Variants in TERF1 observed in about 807,000 individuals in gnomAD.
TERF1 encodes telomeric repeat binding factor 1, also known as telomeric repeat-binding factor 1.
In TERF1, 20 loss-of-function variants were observed where a neutral mutation model predicts 55.1. That is an observed-to-expected ratio of 0.36 (90% CI 0.26 to 0.53). The LOEUF (loss-of-function observed/expected upper bound fraction) is 0.53, where lower values mean the gene tolerates loss of function less well. TERF1 is among the 20% of genes least tolerant of loss of function. The pLI, the probability that TERF1 is intolerant of heterozygous loss-of-function variation, is 0.91. For synonymous variants in TERF1, 168 were observed against 181.2 expected (o/e 0.93, Z 0.59); for missense variants, 439 against 535.7 (o/e 0.82, Z 1.78).
intron 8 of TERF1, among the ~76,000 whole-genome samples, chr8:73,037,422 TATATATA>T (rs59280244): frequency 2.3e-5 from 3 of 130,100 alleles, no homozygotes; most frequent in South Asian, 2.1e-4. Context: ...TATAAATTTT[TATATATA>T]ATATATAATA....
chr8:73,020,403 A>G (rs1170730145), intron 2 of TERF1, among the ~76,000 whole-genome samples: 2 of 152,208 alleles, frequency 1.3e-5, no homozygotes, highest in Admixed American at 6.5e-5. Flanking sequence ...TTCTGTTGCT[A>G]TGACATGTTA....
chr8:73,036,213 TCC>T (rs1392907930), intron 8 of TERF1, among the ~76,000 whole-genome samples: 1 of 152,198 alleles, frequency 6.6e-6, no homozygotes, highest in African/African-American at 2.4e-5. Context: ...CAGTACCCTC[TCC>T]CAGGAGAGAG....
At chr8:73,037,743 ATATT>A (rs1167356670) in intron 8 of TERF1, among the ~76,000 whole-genome samples, 1 of 87,144 alleles carries the variant, frequency 1.1e-5, no homozygotes, top group Admixed American at 1.9e-4. Context: ...TATGAAATAT[ATATT>A]ATATATAATA....
intron 7 of TERF1, chr8:73,031,535 A>AC (rs1809284516): frequency 6.6e-6 from 1 of 152,230 alleles, no homozygotes; most frequent in Admixed American, 6.5e-5. Context: ...ATATAATACC[A>AC]ATTTGGCAGA....
At chr8:73,028,292 A>G (rs1473200007) in intron 6 of TERF1, among the ~76,000 whole-genome samples, 1 of 152,094 alleles carries the variant, frequency 6.6e-6, no homozygotes, top group Non-Finnish European at 1.5e-5. Flanking sequence ...AGAACTCTTC[A>G]TGTTCTCATT....
At chr8:73,030,314 C>G (rs1330255119) in intron 6 of TERF1, 22 bp from the exon 7 acceptor site, 2 of 1,514,654 alleles carry the variant, frequency 1.3e-6, no homozygotes, top group East Asian at 2.4e-5. Context: ...TACATTCTTA[C>G]AAATTTTTTC....
In TERF1 at chr8:73,030,274, G is replaced by A. The variant is rs1809227119; in HGVS notation, c.888-62G>A. On this transcript the variant is annotated intron_variant, in intron 6 of 9. Coordinates refer to ENST00000276603, the MANE Select transcript of TERF1 (RefSeq NM_017489.3). ...GAAATATGCCTTGACTATGTGGAAA[G>A]TACTATCCTTATGAAAAGTTTCTTT... The A allele has an allele frequency of 5.5e-5, 59 of 1,073,612 alleles. No individual in the cohort carries two copies. The South Asian group carries it at 9.0e-4, about 16-fold the overall frequency. The allele number at this position is 1,073,612 out of a possible 1,614,324, so 66.5% of individuals were successfully genotyped here.
At chr8:73,027,359 C>T (rs1563464362) in intron 6 of TERF1, among the ~76,000 whole-genome samples, 2 of 152,162 alleles carry the variant, frequency 1.3e-5, no homozygotes, top group Admixed American at 1.3e-4. Flanking sequence ...TTAGATTCTA[C>T]ATGTTCTCAT....
chr8:73,009,208 G>C lies in TERF1; in HGVS notation c.319+3G>C. The C allele has an allele frequency of 3.1e-6, 5 of 1,609,098 alleles. No homozygotes were observed. The highest frequency in any genetic ancestry group is 4.2e-6 in the Non-Finnish European group (5 of 1,179,432). ...CAGGACCCGCAACAGCGCAGAGGGT[G>C]AGTGCAGACCGCGTCCGGGCCGGGA... On this transcript the variant is annotated splice_donor_region_variant and intron_variant, in intron 1 of 9. Transcript: ENST00000276603.
At chr8:73,014,718 G>T (rs569309483) in intron 2 of TERF1, among the ~76,000 whole-genome samples, 1 of 152,318 alleles carries the variant, frequency 6.6e-6, no homozygotes, top group South Asian at 2.1e-4. Flanking sequence ...ACATAAAACT[G>T]CTTGCTTATT....
At chr8:73,020,480 A>G (rs1333924157) in intron 2 of TERF1, among the ~76,000 whole-genome samples, 1 of 152,186 alleles carries the variant, frequency 6.6e-6, no homozygotes, top group Non-Finnish European at 1.5e-5. Flanking sequence ...AATGTTTGTA[A>G]TCTCATCAAC....
chr8:73,022,148 T>A lies in TERF1; in HGVS notation c.538-68T>A, dbSNP rs569185919. 3.2e-6 allele frequency: 3 copies of A among 940,180 alleles called. No individual in the cohort carries two copies. In the South Asian group the frequency reaches 5.0e-5, roughly 16 times the overall value. The allele number at this position is 940,180 out of a possible 1,614,324, so 58.2% of individuals were successfully genotyped here. On this transcript the variant is annotated intron_variant, in intron 3 of 9. Transcript: ENST00000276603. The stretch of plus-strand genomic sequence containing the variant: ...GAGGATTTCAGACTTACCTGAGTTA[T>A]CTTAATAATTAAATAACTATTGGGT...
chr8:73,026,902 T>C, intron 5 of TERF1, 38 bp from the exon 6 acceptor site: 1 of 1,501,834 alleles, frequency 6.7e-7, no homozygotes, highest in Non-Finnish European at 9.2e-7. Flanking sequence ...CTTAATGCAT[T>C]TCTTCCTATC....
chr8:73,032,766 T>A (rs1809344098), intron 8 of TERF1, among the ~76,000 whole-genome samples: 1 of 152,162 alleles, frequency 6.6e-6, no homozygotes, highest in Non-Finnish European at 1.5e-5. Context: ...TAATAAAGTC[T>A]GAGAGCGTTG....
rs1810074887 is a variant in TERF1, at chr8:73,047,211, A to T, written c.*1074A>T. On this transcript the variant is annotated 3_prime_UTR_variant, in exon 10 of 10. Coordinates refer to ENST00000276603, the MANE Select transcript of TERF1 (RefSeq NM_017489.3). ...GAAATAATTTTTTTAAAAAAGAAAA[A>T]GACAATAGTATTACCCATGGGACAA... 6.6e-6 allele frequency: 1 copy of T among 152,178 alleles called. No individual in the cohort carries two copies. Among genetic ancestry groups the T allele is most frequent in the Non-Finnish European group, 1.5e-5 (1 of 68,030 alleles). The allele number at this position is 152,178 out of a possible 1,614,324, so 9.4% of individuals were successfully genotyped here.
In TERF1 at chr8:73,047,662, A is replaced by G. The variant is rs1333507736; in HGVS notation, c.*1525A>G. The G allele has an allele frequency of 6.6e-6, 1 of 152,216 alleles. No individual in the cohort carries two copies. Among genetic ancestry groups the G allele is most frequent in the South Asian group, 2.1e-4 (1 of 4,830 alleles). The allele number at this position is 152,216 out of a possible 1,614,324, so 9.4% of individuals were successfully genotyped here. A position where few individuals can be genotyped will look rare whatever the true frequency, so the allele number is the denominator to read the frequency against. On this transcript the variant is annotated 3_prime_UTR_variant, in exon 10 of 10. Transcript: ENST00000276603. The stretch of plus-strand genomic sequence containing the variant: ...GGTGGTGTTTTGTAATCTCTATTGT[A>G]TTTCCTATTAAGGTTTCATATATTA...
chr8:73,013,035 T>C (rs1808346919), intron 1 of TERF1: 1 of 411,878 alleles, frequency 2.4e-6, no homozygotes, highest in African/African-American at 2.0e-5. Flanking sequence ...TAATCTCTGG[T>C]GTAGCATAAG....
In TERF1 at chr8:73,009,147, C is replaced by T. The variant is rs56349932; in HGVS notation, c.261C>T (p.Cys87=). Residue 87 remains cysteine (C), a synonymous_variant, in exon 1 of 10, where the codon TGC becomes TGT. Transcript: ENST00000276603. ...WMLDFLCLSL[C]RAFRDGRSED... ...TCGATTTCCTCTGCCTCTCTCTTTGCCGAGCTTTCCGCGACGGCCGCTCCG... is the reference window on the plus strand; with the variant it reads ...TCGATTTCCTCTGCCTCTCTCTTTGTCGAGCTTTCCGCGACGGCCGCTCCG... The T allele has an allele frequency of 1.7e-3, 2,699 of 1,611,240 alleles. 2 individuals carry two copies. The highest frequency in any genetic ancestry group is 2.1e-3 in the Non-Finnish European group (2,423 of 1,179,838).
rs1810072684 is a variant in TERF1, at chr8:73,047,155, C to G, written c.*1018C>G. The G allele has an allele frequency of 6.6e-6, 1 of 151,924 alleles. No homozygotes were observed. Among genetic ancestry groups the G allele is most frequent in the Non-Finnish European group, 1.5e-5 (1 of 67,994 alleles). 9.4% of individuals were successfully genotyped at this position (151,924 alleles called of 1,614,324 possible). A position where few individuals can be genotyped will look rare whatever the true frequency, so the allele number is the denominator to read the frequency against. On this transcript the variant is annotated 3_prime_UTR_variant, in exon 10 of 10. Transcript: ENST00000276603. ...CAGTATACTCAGCTAACAAACCTGCCCATGTGTTTCCTGAATCTAAAATAA... is the reference window on the plus strand; with the variant it reads ...CAGTATACTCAGCTAACAAACCTGCGCATGTGTTTCCTGAATCTAAAATAA...
Sources: gnomAD v4.1 joint callset for allele counts (sites outside exome capture counted in the v4.1 genomes callset) on GRCh38, gnomAD v4.1.1 for gene constraint, MANE v1.5 for transcripts, NCBI Gene and HGNC (gene_info 2026-07-23, HGNC 2026-07-21) for gene names.